APOL6: variants seen among roughly 807,000 people sequenced by gnomAD.
APOL6 encodes the protein apolipoprotein L, 6.
In APOL6, 1 loss-of-function variant was observed where a neutral mutation model predicts 2.4. That is an observed-to-expected ratio of 0.41 (90% confidence interval 0.15 to 1.94). APOL6 has a LOEUF of 1.94. APOL6 is among the 30% of genes most tolerant of loss of function. APOL6 has a pLI of 0.30. For missense variants in APOL6, 438 were observed against 429.2 expected, an observed-to-expected ratio of 1.02 and a Z score of -0.18; for synonymous variants, 189 against 169.3, an observed-to-expected ratio of 1.12 and a Z score of -0.90.
In APOL6 at chr22:35,659,487, C is replaced by T. The variant is rs1287379257; in HGVS notation, c.923C>T (p.Thr308Ile). ...GCCAGAGGGGTGGGGAAGGATTTAA[C>T]TGGGACCTGCGAAACCGAGGCTTAC... ...SRARGVGKDL[T>I]GTCETEAYWK... The change falls in exon 3 of 3, where the codon ACT becomes ATT. Residue 308 changes from threonine (T) to isoleucine (I), a missense_variant. Transcript: ENST00000409652. 6.2e-7 allele frequency: 1 copy of T among 1,614,142 alleles called. No individual in the cohort carries two copies. Among genetic ancestry groups the T allele is most frequent in the South Asian group, 1.1e-5 (1 of 91,074 alleles).
chr22:35,651,177 ACAAACCAGGTGGCTT>A (rs1924681404), intron 1 of APOL6, among the ~76,000 whole-genome samples: 1 of 152,180 alleles, frequency 6.6e-6, no homozygotes, highest in Non-Finnish European at 1.5e-5. Flanking sequence ...AGAAAGCACC[ACAAACCAGGTGGCTT>A]CAAACAACAG....
rs1375911016 is a variant in APOL6 at position 35,666,379 on chromosome 22, T to G, written c.*6783T>G. 6.6e-6 allele frequency: 1 copy of G among 152,212 alleles called. No homozygotes were observed. Among genetic ancestry groups the G allele is most frequent in the Non-Finnish European group, 1.5e-5 (1 of 68,074 alleles). The allele number at this position is 152,212 out of a possible 1,614,324, so 9.4% of individuals were successfully genotyped here. On this transcript the variant is annotated 3_prime_UTR_variant, in exon 3 of 3. Transcript: ENST00000409652. ...CTGCCACCTCCCAGGTTCAAGCGGT[T>G]CTCCTGCCTCAGCCTCCCGAGTAGC...
intron 2 of APOL6, among the ~76,000 whole-genome samples, chr22:35,657,348 G>A (rs1449163114): frequency 1.3e-5 from 2 of 152,120 alleles, no homozygotes; most frequent in East Asian, 1.9e-4. Flanking sequence ...ATTTACACCT[G>A]TGGATTAATA....
At position 35,659,337 on chromosome 22, in the gene APOL6, A is replaced by G. The variant is rs1179552241; in HGVS notation, c.773A>G (p.His258Arg). 6.2e-7 allele frequency: 1 copy of G among 1,614,062 alleles called. No homozygotes were observed. Among genetic ancestry groups the G allele is most frequent in the Non-Finnish European group, 8.5e-7 (1 of 1,179,958 alleles). ...DLATLSKEWKHLKEGARTKFA... is the reference protein window; with the variant it reads ...DLATLSKEWKRLKEGARTKFA... ...GCCACTCTCTCAAAGGAATGGAAGC[A>G]CCTGAAGGAAGGAGCAAGGACAAAG... is the stretch of plus-strand genomic sequence containing the variant. Residue 258 changes from histidine to arginine, a missense_variant, in exon 3 of 3, where the codon CAC becomes CGC. His to Arg is a conservative substitution (Grantham distance 29, BLOSUM62 0). Coordinates refer to ENST00000409652, the MANE Select transcript of APOL6 (RefSeq NM_030641.4).
rs1219084635 is a variant in APOL6, at chr22:35,664,935, G to A, written c.*5339G>A. Reference sequence around the variant, plus strand: ...TATAAAAATAAAGAATTTTTTCAAGGTTAAAAAGCTGAAAAAGAAATAATT... The same window carrying A: ...TATAAAAATAAAGAATTTTTTCAAGATTAAAAAGCTGAAAAAGAAATAATT... On this transcript the variant is annotated 3_prime_UTR_variant, in exon 3 of 3. Transcript: ENST00000409652. The A allele has an allele frequency of 1.3e-5, 2 of 151,540 alleles. No individual in the cohort carries two copies. The highest frequency in any genetic ancestry group is 2.9e-5 in the Non-Finnish European group (2 of 67,862). 9.4% of individuals were successfully genotyped at this position (151,540 alleles called of 1,614,324 possible).
rs1222182470 is a variant in APOL6 at position 35,663,351 on chromosome 22, T to G, written c.*3755T>G. ...TAGCTGAGATTTGGTAATAAGATTT[T>G]TTTTTTAAGTTTTTAAAGAAGCTCA... On this transcript the variant is annotated 3_prime_UTR_variant, in exon 3 of 3. Coordinates refer to ENST00000409652, the MANE Select transcript of APOL6 (RefSeq NM_030641.4). 6.6e-6 allele frequency: 1 copy of G among 152,140 alleles called. No individual in the cohort carries two copies. Among genetic ancestry groups the G allele is most frequent in the East Asian group, 1.9e-4 (1 of 5,198 alleles). 9.4% of individuals were successfully genotyped at this position (152,140 alleles called of 1,614,324 possible). A position where few individuals can be genotyped will look rare whatever the true frequency, so the allele number is the denominator to read the frequency against.
intron 1 of APOL6, among the ~76,000 whole-genome samples, chr22:35,656,009 T>C (rs1183503267): frequency 6.6e-6 from 1 of 152,234 alleles, no homozygotes; most frequent in South Asian, 2.1e-4. Context: ...GGGACAGCTT[T>C]ACCTTTGTCA....
At chr22:35,657,697 G>A (rs1166812328) in intron 2 of APOL6, among the ~76,000 whole-genome samples, 1 of 152,148 alleles carries the variant, frequency 6.6e-6, no homozygotes, top group Non-Finnish European at 1.5e-5. Flanking sequence ...TCCTCTCCAG[G>A]CCTCCCTCCA....
In APOL6 at chr22:35,661,271, T is replaced by A. The variant is rs1362065378; in HGVS notation, c.*1675T>A. On this transcript the variant is annotated 3_prime_UTR_variant, in exon 3 of 3. Transcript: ENST00000409652. ...TACTCGGGAGGCTGAGGCAGGAGAA[T>A]CGCTTGAACCCAGGCTGTAAAGGTT... The A allele has an allele frequency of 1.4e-5, 2 of 144,198 alleles. No individual in the cohort carries two copies. The highest frequency in any genetic ancestry group is 1.5e-4 in the Admixed American group (2 of 13,656). The allele number at this position is 144,198 out of a possible 1,614,324, so 8.9% of individuals were successfully genotyped here. A position where few individuals can be genotyped will look rare whatever the true frequency, so the allele number is the denominator to read the frequency against.
At position 35,659,192 on chromosome 22, in the gene APOL6, G is replaced by C. The variant is rs765286120; in HGVS notation, c.628G>C (p.Val210Leu). The C allele has an allele frequency of 6.2e-7, 1 of 1,614,200 alleles. No individual in the cohort carries two copies. Among genetic ancestry groups the C allele is most frequent in the East Asian group, 2.2e-5 (1 of 44,880 alleles). ...ATKRLLTTGQ[V>L]SSRSRVQVQK... ...CAAGCGTCTTCTGACCACTGGCCAA[G>C]TCTCCTCCCGGAGCCGCGTGCAGGT... Residue 210 changes from valine to leucine, a missense_variant, in exon 3 of 3, where the codon GTC (valine) becomes CTC (leucine). Physicochemically the swap from Val to Leu is conservative, Grantham distance 32. Coordinates refer to ENST00000409652, the MANE Select transcript of APOL6 (RefSeq NM_030641.4).
chr22:35,657,493 T>C (rs1924876433), intron 2 of APOL6, among the ~76,000 whole-genome samples: 1 of 152,172 alleles, frequency 6.6e-6, no homozygotes, highest in Non-Finnish European at 1.5e-5. Flanking sequence ...ATAAATACAT[T>C]TATGGACATA....
intron 1 of APOL6, among the ~76,000 whole-genome samples, chr22:35,654,917 T>C (rs4377418): frequency 0.078 from 11,921 of 152,194 alleles, 983 homozygotes; most frequent in African/African-American, 0.21. Context: ...TCAAGGAGAA[T>C]AAAGGTTAAC....
In APOL6 at chr22:35,658,750, C is replaced by A; in HGVS notation, c.186C>A (p.Ala62=). 1 of 1,614,136 alleles carries A rather than the reference C, an allele frequency of 6.2e-7. No individual in the cohort carries two copies. Among genetic ancestry groups the A allele is most frequent in the South Asian group, 1.1e-5 (1 of 91,072 alleles). Residue 62 remains alanine, a synonymous_variant, in exon 3 of 3, where the codon GCC becomes GCA. Transcript: ENST00000409652. ...AAGGGAACATTGACAAGCTCCGTGC[C>A]CTCGCAGACGATATTGACAAAACCC... ...DLKGNIDKLR[A]LADDIDKTHK...
chr22:35,655,936 G>A (rs1249709123), intron 1 of APOL6, among the ~76,000 whole-genome samples: 2 of 152,304 alleles, frequency 1.3e-5, no homozygotes. Flanking sequence ...GCAACTTGTG[G>A]GAAAGTAAGT....
chr22:35,654,441 G>T (rs1182964562), intron 1 of APOL6, among the ~76,000 whole-genome samples: 1 of 151,694 alleles, frequency 6.6e-6, no homozygotes, highest in Non-Finnish European at 1.5e-5. Context: ...AAGAAAAGAT[G>T]CTCTTTTCAC....
intron 1 of APOL6, among the ~76,000 whole-genome samples, chr22:35,653,584 G>C (rs982050174): frequency 3.3e-5 from 5 of 152,164 alleles, no homozygotes. Context: ...GGACCTTCTT[G>C]CTGTGTTATC....
rs149714616 is a variant in APOL6, at chr22:35,658,759, C to T, written c.195C>T (p.Asp65=). 57 of 1,614,134 alleles carry T rather than the reference C, an allele frequency of 3.5e-5. No homozygotes were observed. Among genetic ancestry groups the T allele is most frequent in the African/African-American group, 8.0e-5 (6 of 75,034 alleles). ...GNIDKLRALA[D]DIDKTHKKFT... Reference sequence around the variant, plus strand: ...TTGACAAGCTCCGTGCCCTCGCAGACGATATTGACAAAACCCACAAGAAAT... The same window carrying T: ...TTGACAAGCTCCGTGCCCTCGCAGATGATATTGACAAAACCCACAAGAAAT... The change falls in exon 3 of 3, where the codon GAC becomes GAT. Residue 65 remains aspartate, a synonymous_variant. Transcript: ENST00000409652.
intron 1 of APOL6, among the ~76,000 whole-genome samples, chr22:35,649,392 C>T (rs979111071): frequency 2.0e-5 from 3 of 149,710 alleles, no homozygotes; most frequent in East Asian, 2.0e-4. Context: ...GAGCAGTGAT[C>T]GCACCACTGC....
rs1220182341 is a variant in APOL6, at chr22:35,662,032, C to G, written c.*2436C>G. 6.6e-6 allele frequency: 1 copy of G among 152,066 alleles called. No individual in the cohort carries two copies. Among genetic ancestry groups the G allele is most frequent in the East Asian group, 1.9e-4 (1 of 5,192 alleles). 9.4% of individuals were successfully genotyped at this position (152,066 alleles called of 1,614,324 possible). A position where few individuals can be genotyped will look rare whatever the true frequency, so the allele number is the denominator to read the frequency against. On this transcript the variant is annotated 3_prime_UTR_variant, in exon 3 of 3. Coordinates refer to ENST00000409652, the MANE Select transcript of APOL6 (RefSeq NM_030641.4). ...GAGCAACTTTTAATTATTCTCCTGT[C>G]CTGCAATATGAGTTAATCTTCTCTG...
Sources: allele counts gnomAD v4.1 joint callset (sites outside exome capture counted in the v4.1 genomes callset), GRCh38; gene constraint gnomAD v4.1.1; transcripts MANE v1.5; gene names NCBI Gene and HGNC (gene_info 2026-07-23, HGNC 2026-07-21).